IQCE: variants seen among roughly 807,000 people sequenced by gnomAD.
IQCE encodes the protein IQ domain-containing protein E.
A neutral mutation model predicts 96.0 loss-of-function variants in IQCE; 115 were observed. That is an observed-to-expected ratio of 1.20 (90% confidence interval 1.03 to 1.40). IQCE has a LOEUF of 1.40. IQCE is among the 40% of genes most tolerant of loss of function. The probability of loss-of-function intolerance (pLI) is 0.00; values close to 1 mark genes in which losing one functional copy is unlikely to be tolerated. For missense variants in IQCE, 1,041 were observed against 909.1 expected, an observed-to-expected ratio of 1.15 and a Z score of -1.87; for synonymous variants, 412 against 371.2, an observed-to-expected ratio of 1.11 and a Z score of -1.26.
intron 6 of IQCE, among the ~76,000 whole-genome samples, chr7:2,577,823 CGTGT>C (rs1782288619): frequency 5.1e-5 from 7 of 136,596 alleles, no homozygotes; most frequent in Non-Finnish European, 9.4e-5. Context: ...CGCGCGGGGA[CGTGT>C]GTGCGGCGTG....
At chr7:2,575,155 C>T (rs374907008) in intron 6 of IQCE, among the ~76,000 whole-genome samples, 9 of 152,356 alleles carry the variant, frequency 5.9e-5, no homozygotes, top group East Asian at 1.9e-4. Context: ...GAAACCAGGA[C>T]GCTCTGAGTG....
chr7:2,599,415 C>T (rs1381105766), intron 17 of IQCE, among the ~76,000 whole-genome samples: 1 of 151,986 alleles, frequency 6.6e-6, no homozygotes, highest in East Asian at 1.9e-4. Context: ...AGGCTGGTCT[C>T]GAACTCCTGG....
At chr7:2,584,126 TC>T in intron 10 of IQCE, 109 bp from the exon 11 acceptor site, 2 of 955,548 alleles carry the variant, frequency 2.1e-6, no homozygotes, top group Non-Finnish European at 3.4e-6. Context: ...GCCACTTAGT[TC>T]CCGCTTCTGG....
Position 2,600,946 on chromosome 7 carries a change from T to G in IQCE, c.1609-495T>G, listed in dbSNP as rs180729766. Among the ~76,000 whole-genome samples the G allele has an allele frequency of 2.6e-3, 401 of 152,294 alleles. 6 individuals are homozygous for G. The highest frequency in any genetic ancestry group is 1.5e-3 in the Non-Finnish European group (105 of 68,010). ...ACTTCCCAAGACACCCAAGGGTGAC[T>G]GATGACCAGTCAGGGTGGGGCCAGT... On this transcript the variant is annotated intron_variant, in intron 17 of 21. Coordinates refer to ENST00000402050, the MANE Select transcript of IQCE (RefSeq NM_152558.5).
In IQCE at chr7:2,605,984, C is replaced by T. The variant is rs367712182; in HGVS notation, c.1852C>T (p.Arg618Trp). 4.9e-5 allele frequency: 79 copies of T among 1,608,978 alleles called. No individual in the cohort carries two copies. The African/African-American group carries it at 6.1e-4, about 13-fold the overall frequency. ...IQSALRAHLA[R>W]ARHSATGKRT... ...GTCCGCTCTGCGGGCACACCTGGCC[C>T]GGGCCAGGCACAGGTGAGTCAGGGT... The change falls in exon 20 of 22, where the codon CGG (arginine) becomes TGG (tryptophan). Residue 618 changes from arginine (R) to tryptophan (W), a missense_variant. Arg to Trp is a moderately radical substitution (Grantham distance 101). Transcript: ENST00000402050.
intron 1 of IQCE, among the ~76,000 whole-genome samples, chr7:2,562,103 G>C (rs1429353952): frequency 6.6e-6 from 1 of 152,142 alleles, no homozygotes; most frequent in Non-Finnish European, 1.5e-5. Context: ...TCATGAATGA[G>C]TGTTAGATTT....
At position 2,613,111 on chromosome 7, in the gene IQCE, AAC is replaced by A. The variant is rs1427021523; in HGVS notation, c.*2954_*2955del. ...CTGTTAGGTAGTCCAGCTTTAAAAT[AAC>A]ACACTCTTTCTCTATCCCATGCCCT... On this transcript the variant is annotated 3_prime_UTR_variant, in exon 22 of 22. Coordinates refer to ENST00000402050, the MANE Select transcript of IQCE (RefSeq NM_152558.5). 6.6e-6 allele frequency: 1 copy of A among 152,174 alleles called. No individual in the cohort carries two copies. Among genetic ancestry groups the A allele is most frequent in the South Asian group, 2.1e-4 (1 of 4,834 alleles). The allele number at this position is 152,174 out of a possible 1,614,324, so 9.4% of individuals were successfully genotyped here.
chr7:2,605,628 A>ATAAATAAG (rs1174757866), intron 19 of IQCE, among the ~76,000 whole-genome samples: 1 of 145,180 alleles, frequency 6.9e-6, no homozygotes, highest in Non-Finnish European at 1.5e-5. Flanking sequence ...TCAAAAATAA[A>ATAAATAAG]TAAATAAGTA....
chr7:2,589,069 T>A (rs1783369438), intron 13 of IQCE, among the ~76,000 whole-genome samples: 1 of 152,144 alleles, frequency 6.6e-6, no homozygotes, highest in Admixed American at 6.5e-5. Flanking sequence ...TTTTACATAT[T>A]TACAACATAG....
intron 13 of IQCE, 141 bp from the exon 14 acceptor site, chr7:2,589,766 G>T: frequency 2.8e-6 from 2 of 717,682 alleles, no homozygotes; most frequent in Non-Finnish European, 4.7e-6. Flanking sequence ...AGCTTCTCTG[G>T]GTAACTCGGG....
chr7:2,584,204 T>C (rs1782920392), intron 10 of IQCE, 32 bp from the exon 11 acceptor site: 2 of 1,597,816 alleles, frequency 1.3e-6, no homozygotes, highest in Non-Finnish European at 1.7e-6. Flanking sequence ...GCTAGCCTTG[T>C]GTTTTCATGC....
At position 2,586,247 on chromosome 7, in the gene IQCE, G is replaced by T. The variant is rs1783100723; in HGVS notation, c.864G>T (p.Lys288Asn). 2 of 1,614,072 alleles carry T rather than the reference G, an allele frequency of 1.2e-6. No homozygotes were observed. Among genetic ancestry groups the T allele is most frequent in the East Asian group, 2.2e-5 (1 of 44,888 alleles). ...GEKKTGAKRQ[K>N]KMGSALLSLS... ...AGAAGACGGGCGCCAAAAGGCAGAAGAAGATGGGCAGTGCCCTCCTGAGCT... is the reference window on the plus strand; with the variant it reads ...AGAAGACGGGCGCCAAAAGGCAGAATAAGATGGGCAGTGCCCTCCTGAGCT... The change falls in exon 12 of 22, where the codon AAG becomes AAT. Residue 288 changes from lysine to asparagine, a missense_variant. Transcript: ENST00000402050.
intron 1 of IQCE, among the ~76,000 whole-genome samples, chr7:2,566,090 GT>G (rs1382424312): frequency 6.6e-6 from 1 of 152,170 alleles, no homozygotes; most frequent in Non-Finnish European, 1.5e-5. Flanking sequence ...CCAGGGACAG[GT>G]AGCACAAATG....
intron 13 of IQCE, 63 bp downstream of exon 13, chr7:2,587,940 C>G (rs1783252909): frequency 6.8e-7 from 1 of 1,474,690 alleles, no homozygotes; most frequent in South Asian, 1.1e-5. Flanking sequence ...TGGGGACGGG[C>G]TCACAGGGTG....
chr7:2,602,973 A>G (rs773802960), intron 18 of IQCE, among the ~76,000 whole-genome samples: 7 of 152,118 alleles, frequency 4.6e-5, no homozygotes, highest in Admixed American at 4.6e-4. Flanking sequence ...CCCCTGAGGA[A>G]GGGACCCCTG....
At chr7:2,583,525 T>A in intron 9 of IQCE, 112 bp from the exon 10 acceptor site, 1 of 613,400 alleles carries the variant, frequency 1.6e-6, no homozygotes, top group Non-Finnish European at 2.6e-6. Flanking sequence ...CCTCCCATCC[T>A]GGGTCTTTTC....
At chr7:2,584,904 T>G (rs1419283997) in intron 11 of IQCE, among the ~76,000 whole-genome samples, 2 of 152,256 alleles carry the variant, frequency 1.3e-5, no homozygotes, top group Non-Finnish European at 2.9e-5. Flanking sequence ...TATTCAGTTA[T>G]AAAATGTCTG....
At chr7:2,605,686 A>G (rs960371221) in intron 19 of IQCE, among the ~76,000 whole-genome samples, 190 bp from the exon 20 acceptor site, 1 of 152,130 alleles carries the variant, frequency 6.6e-6, no homozygotes. Flanking sequence ...GAATCCCTAC[A>G]GTTTAAAAAT....
chr7:2,583,749 A>G (rs552660582), intron 10 of IQCE, 40 bp downstream of exon 10: 2 of 724,466 alleles, frequency 2.8e-6, no homozygotes, highest in Non-Finnish European at 3.9e-6. Context: ...GCGGGCACCG[A>G]GCTGGGCGGC....
Sources: allele counts gnomAD v4.1 joint callset (sites outside exome capture counted in the v4.1 genomes callset), GRCh38; gene constraint gnomAD v4.1.1; transcripts MANE v1.5; gene names NCBI Gene and HGNC (gene_info 2026-07-23, HGNC 2026-07-21).